Variants in ZNF594 observed in about 807,000 individuals in gnomAD.
The protein encoded by ZNF594 is zinc finger protein 594, also known as zinc finger protein HZF18.
For missense variants in ZNF594, 1,037 were observed against 964.6 expected (o/e 1.08, Z -0.99); for synonymous variants, 336 against 309.4 (o/e 1.09, Z -0.90).
downstream of ZNF594, among the ~76,000 whole-genome samples, chr17:5,178,266 G>T (rs1209737390): frequency 6.6e-6 from 1 of 151,874 alleles, no homozygotes; most frequent in Non-Finnish European, 1.5e-5. Context: ...TGCAGGATTG[G>T]TTAACATCCA....
Position 5,182,429 on chromosome 17 carries a change from C to G in ZNF594, c.1828G>C (p.Asp610His). 6.2e-7 allele frequency: 1 copy of G among 1,613,686 alleles called. No homozygotes were observed. Among genetic ancestry groups the G allele is most frequent in the Non-Finnish European group, 8.5e-7 (1 of 1,179,986 alleles). Residue 610 changes from aspartate (D) to histidine (H), a missense_variant, in exon 2 of 2, where the codon GAC becomes CAC. By Grantham distance (81) the Asp-to-His change is moderately conservative. Coordinates refer to ENST00000575779, the MANE Select transcript of ZNF594 (RefSeq NM_032530.2). ...TGAATTCTATGATGTCTCAGAAGGT[C>G]TGAGCTCTGATTGAAAGTTTTCCCA... ...ECGKTFNQSS[D>H]LLRHHRIHSG...
downstream of ZNF594, chr17:5,175,091 C>T (rs992738303): frequency 2.3e-5 from 4 of 172,178 alleles, no homozygotes; most frequent in African/African-American, 9.5e-5. Context: ...TAATTTCTTT[C>T]TGACTTGTAT....
At chr17:5,175,451 AAAAATTGTCTTCCAC>A (rs1464914208), downstream of ZNF594, among the ~76,000 whole-genome samples, 2 of 152,140 alleles carry the variant, frequency 1.3e-5, no homozygotes, top group Non-Finnish European at 2.9e-5. Flanking sequence ...CAGTCCGTGG[AAAAATTGTCTTCCAC>A]AACACCCATC....
chr17:5,182,664 G>A lies in ZNF594; in HGVS notation c.1593C>T (p.Phe531=), dbSNP rs1471430097. The A allele has an allele frequency of 1.2e-5, 19 of 1,613,588 alleles. No homozygotes were observed. The highest frequency in any genetic ancestry group is 4.5e-5 in the East Asian group (2 of 44,796). The part of the protein sequence containing the change: ...CGKLFIWRTA[F]LKHQSLHTGE... ...CAGTATGCAGGCTCTGATGTTTGAG[G>A]AAAGCTGTGCGCCAAATGAAGAGCT... Residue 531 remains phenylalanine, a synonymous_variant, in exon 2 of 2, where the codon TTC becomes TTT. Transcript: ENST00000575779.
chr17:5,186,957 GA>G (rs1158868160), intron 1 of ZNF594, among the ~76,000 whole-genome samples: 5 of 152,196 alleles, frequency 3.3e-5, no homozygotes, highest in Admixed American at 6.5e-5. Context: ...CAAGTCTCTA[GA>G]AGTTCCAAAC....
chr17:5,182,596 T>C lies in ZNF594; in HGVS notation c.1661A>G (p.Glu554Gly). 1 of 1,613,494 alleles carries C rather than the reference T, an allele frequency of 6.2e-7. No homozygotes were observed. Among genetic ancestry groups the C allele is most frequent in the Non-Finnish European group, 8.5e-7 (1 of 1,179,686 alleles). ...GTGAATTTTCTGCTCTCCCCTAAGCTCCTCATCCTGGCTGAAGGTTTTCTC... is the reference window on the plus strand; with the variant it reads ...GTGAATTTTCTGCTCTCCCCTAAGCCCCTCATCCTGGCTGAAGGTTTTCTC... Reference protein sequence around the residue: ...ECEKTFSQDEELRGEQKIHQE... With the variant: ...ECEKTFSQDEGLRGEQKIHQE... Residue 554 changes from glutamate to glycine, a missense_variant, in exon 2 of 2, where the codon GAG becomes GGG. Physicochemically the swap from Glu to Gly is moderately conservative, Grantham distance 98. Transcript: ENST00000575779.
At chr17:5,191,644 C>G (rs1410283307) in intron 1 of ZNF594, 104 bp downstream of exon 1, 2 of 152,414 alleles carry the variant, frequency 1.3e-5, no homozygotes, top group African/African-American at 4.8e-5. Flanking sequence ...TCCTGCGGTC[C>G]CCCAGGCCTC....
intron 1 of ZNF594, among the ~76,000 whole-genome samples, chr17:5,190,988 C>G (rs2074419508): frequency 6.6e-6 from 1 of 152,194 alleles, no homozygotes; most frequent in African/African-American, 2.4e-5. Flanking sequence ...TATTTTGTAA[C>G]TGCATTTGTA....
chr17:5,175,103 C>G (rs918138500), downstream of ZNF594: 1 of 169,510 alleles, frequency 5.9e-6, no homozygotes, highest in Non-Finnish European at 1.3e-5. Context: ...GACTTGTATA[C>G]AGAGGGGATG....
chr17:5,175,706 C>A (rs1414388190), downstream of ZNF594, among the ~76,000 whole-genome samples: 2 of 152,048 alleles, frequency 1.3e-5, no homozygotes, highest in Admixed American at 6.6e-5. Flanking sequence ...GAAAGCTTCT[C>A]ATTTGCATAA....
At position 5,180,999 on chromosome 17, in the gene ZNF594, A is replaced by C. The variant is rs777005780; in HGVS notation, c.*834T>G. The C allele has an allele frequency of 9.2e-6, 7 of 763,000 alleles. No homozygotes were observed. Among genetic ancestry groups the C allele is most frequent in the African/African-American group, 1.7e-5 (1 of 58,274 alleles). 47.3% of individuals were successfully genotyped at this position (763,000 alleles called of 1,614,324 possible). A position where few individuals can be genotyped will look rare whatever the true frequency, so the allele number is the denominator to read the frequency against. On this transcript the variant is annotated 3_prime_UTR_variant, in exon 2 of 2. Transcript: ENST00000575779. ...GTCTTCAAATTCCTTTCCAATGTGA[A>C]GTTTCTGGTGCTTAAGAAAAGCTGT... is the stretch of plus-strand genomic sequence containing the variant.
At chr17:5,188,002 G>A (rs1236753391) in intron 1 of ZNF594, among the ~76,000 whole-genome samples, 1 of 151,062 alleles carries the variant, frequency 6.6e-6, no homozygotes, top group Non-Finnish European at 1.5e-5. Flanking sequence ...TTGCAGGTGT[G>A]AGGCACTGCA....
rs2074332606 is a variant in ZNF594, at chr17:5,180,625, G to A, written c.*1208C>T. 1.0e-5 allele frequency: 2 copies of A among 199,138 alleles called. No individual in the cohort carries two copies. Among genetic ancestry groups the A allele is most frequent in the South Asian group, 1.6e-4 (2 of 12,486 alleles). 12.3% of individuals were successfully genotyped at this position (199,138 alleles called of 1,614,324 possible). The stretch of plus-strand genomic sequence containing the variant: ...AGGAGGGAGGAGTGCTTGAGCCCAA[G>A]AGTTCAAGTCCAGCCTGGGCAACAT... On this transcript the variant is annotated 3_prime_UTR_variant, in exon 2 of 2. Transcript: ENST00000575779.
rs199588119 is a variant in ZNF594 at position 5,183,389 on chromosome 17, T to C, written c.868A>G (p.Thr290Ala). The change falls in exon 2 of 2, where the codon ACT becomes GCT. Residue 290 changes from threonine to alanine, a missense_variant. Transcript: ENST00000575779. ...TTACATTTGAGGGGTTTCTCTCCAG[T>C]GTGAATTCTCTGATGTGGGACAAGG... ...SHLVPHQRIH[T>A]GEKPLKCNEC... 3 of 1,613,782 alleles carry C rather than the reference T, an allele frequency of 1.9e-6. No homozygotes were observed. Among genetic ancestry groups the C allele is most frequent in the Non-Finnish European group, 2.5e-6 (3 of 1,180,028 alleles).
At chr17:5,184,449 C>A in intron 1 of ZNF594, 173 bp from the exon 2 acceptor site, 1 of 691,046 alleles carries the variant, frequency 1.4e-6, no homozygotes, top group East Asian at 2.9e-5. Flanking sequence ...TGTGCTACCA[C>A]ATACCCTGTT....
chr17:5,182,910 T>C lies in ZNF594; in HGVS notation c.1347A>G (p.Arg449=), dbSNP rs752572919. ...KSFRGSSDLI[R]HHRVHTGEKP... ...TCTCTCCAGTATGAACACGATGGTG[T>C]CTAATAAGATCTGAGCTGCCCCTAA... Residue 449 remains arginine, a synonymous_variant, in exon 2 of 2, where the codon AGA becomes AGG. Transcript: ENST00000575779. 6.2e-7 allele frequency: 1 copy of C among 1,614,130 alleles called. No homozygotes were observed. The highest frequency in any genetic ancestry group is 8.5e-7 in the Non-Finnish European group (1 of 1,180,010).
chr17:5,188,092 T>C (rs1053736123), intron 1 of ZNF594, among the ~76,000 whole-genome samples: 2 of 151,908 alleles, frequency 1.3e-5, no homozygotes, highest in Non-Finnish European at 2.9e-5. Context: ...TGGGTGCCCA[T>C]ATTATCAAAT....
downstream of ZNF594, among the ~76,000 whole-genome samples, chr17:5,179,022 C>T (rs115265379): frequency 5.5e-3 from 834 of 151,950 alleles, 9 homozygotes; most frequent in African/African-American, 0.019. Flanking sequence ...GCTTCACTAA[C>T]TTATTTCCAG....
At position 5,180,628 on chromosome 17, in the gene ZNF594, T is replaced by G; in HGVS notation, c.*1205A>C. The stretch of plus-strand genomic sequence containing the variant: ...AGGGAGGAGTGCTTGAGCCCAAGAG[T>G]TCAAGTCCAGCCTGGGCAACATAGT... On this transcript the variant is annotated 3_prime_UTR_variant, in exon 2 of 2. Transcript: ENST00000575779. 1 of 197,218 alleles carries G rather than the reference T, an allele frequency of 5.1e-6. No homozygotes were observed. Among genetic ancestry groups the G allele is most frequent in the Non-Finnish European group, 1.0e-5 (1 of 96,084 alleles). 12.2% of individuals were successfully genotyped at this position (197,218 alleles called of 1,614,324 possible). A position where few individuals can be genotyped will look rare whatever the true frequency, so the allele number is the denominator to read the frequency against.
Sources: gnomAD v4.1 joint callset for allele counts (sites outside exome capture counted in the v4.1 genomes callset) on GRCh38, gnomAD v4.1.1 for gene constraint, MANE v1.5 for transcripts, NCBI Gene and HGNC (gene_info 2026-07-23, HGNC 2026-07-21) for gene names.